TERF1: variants seen among roughly 807,000 people sequenced by gnomAD.
TERF1 encodes the protein telomeric repeat-binding factor 1.
In TERF1, 20 loss-of-function variants were observed where a neutral mutation model predicts 55.1. The ratio of observed to expected loss-of-function variants is 0.36; its 90% CI spans 0.26 to 0.53. The LOEUF (loss-of-function observed/expected upper bound fraction) is 0.53, where lower values mean the gene tolerates loss of function less well. Ranked by LOEUF, TERF1 falls within the 20% of genes least tolerant of loss-of-function variation. The pLI is 0.91. For missense variants in TERF1, 439 were observed against 535.7 expected, an observed-to-expected ratio of 0.82 and a Z score of 1.78; for synonymous variants, 168 against 181.2, an observed-to-expected ratio of 0.93 and a Z score of 0.59.
At position 73,039,234 on chromosome 8, in the gene TERF1, A is replaced by T. The variant is rs200882444; in HGVS notation, c.1143+15A>T. 7.4e-5 allele frequency: 115 copies of T among 1,543,870 alleles called. No homozygotes were observed. Among genetic ancestry groups the T allele is most frequent in the Non-Finnish European group, 1.0e-4 (113 of 1,132,014 alleles). ...GAAAAAGACAGGTATTTGGTTTTTT[A>T]AAATTCGAATAACGCTTATGGACAT... On this transcript the variant is annotated intron_variant, in intron 9 of 9. Coordinates refer to ENST00000276603, the MANE Select transcript of TERF1 (RefSeq NM_017489.3).
chr8:73,019,202 C>A (rs778878420), intron 2 of TERF1, among the ~76,000 whole-genome samples: 4 of 151,624 alleles, frequency 2.6e-5, no homozygotes, highest in Non-Finnish European at 5.9e-5. Context: ...TCCACATCCT[C>A]AGATGTGGTG....
rs766633252 is a variant in TERF1, at chr8:73,020,707, C to T, written c.439C>T (p.Arg147Ter). 76 of 1,599,108 alleles carry T rather than the reference C, an allele frequency of 4.8e-5. No individual in the cohort carries two copies. Among genetic ancestry groups the T allele is most frequent in the Non-Finnish European group, 6.2e-5 (73 of 1,174,368 alleles). Reference protein sequence around the residue: ...TLDAQFENDERITPLESALMI... With the variant: ...TLDAQFENDE The stretch of plus-strand genomic sequence containing the variant: ...AGATGCACAGTTTGAAAATGATGAA[C>T]GAATTACACCCTTGGAATCAGCCCT... The change falls in exon 3 of 10, where the codon CGA becomes TGA. Residue 147 changes from arginine (R) to a stop codon, truncating the protein, a stop_gained. Coordinates refer to ENST00000276603, the MANE Select transcript of TERF1 (RefSeq NM_017489.3). LOFTEE classifies it high-confidence loss of function.
At chr8:73,020,589 T>C in intron 2 of TERF1, 95 bp from the exon 3 acceptor site, 1 of 1,075,144 alleles carries the variant, frequency 9.3e-7, no homozygotes. Context: ...GCACATAGTA[T>C]ACACTCAGTA....
intron 9 of TERF1, among the ~76,000 whole-genome samples, chr8:73,041,806 A>C (rs534762330): frequency 4.6e-5 from 7 of 152,156 alleles, no homozygotes; most frequent in Admixed American, 3.3e-4. Context: ...CTGGAGATAA[A>C]ACTCACAAAA....
chr8:73,019,893 G>T (rs1277166719), intron 2 of TERF1, among the ~76,000 whole-genome samples: 1 of 152,122 alleles, frequency 6.6e-6, no homozygotes, highest in Non-Finnish European at 1.5e-5. Flanking sequence ...TTCATTTCCA[G>T]AACCTTTTTT....
intron 9 of TERF1, among the ~76,000 whole-genome samples, chr8:73,041,932 A>C (rs1563475358): frequency 2.6e-5 from 4 of 152,170 alleles, no homozygotes; most frequent in Admixed American, 6.6e-5. Flanking sequence ...TATTGGCTCC[A>C]GCTGTGAGCT....
intron 9 of TERF1, chr8:73,043,355 T>C (rs1007503682): frequency 2.0e-5 from 3 of 152,130 alleles, no homozygotes; most frequent in Admixed American, 6.5e-5. Context: ...TCTTTTTCAA[T>C]AGAAGAAAAA....
intron 2 of TERF1, among the ~76,000 whole-genome samples, chr8:73,019,619 C>T (rs1029708261): frequency 1.3e-5 from 2 of 152,166 alleles, no homozygotes; most frequent in African/African-American, 4.8e-5. Flanking sequence ...GAGCCTCAGA[C>T]TCCTGGCTCA....
At chr8:73,013,511 C>G (rs1377599421) in intron 1 of TERF1, among the ~76,000 whole-genome samples, 3 of 152,048 alleles carry the variant, frequency 2.0e-5, no homozygotes, top group Non-Finnish European at 4.4e-5. Context: ...ACTTTGTAAG[C>G]TAAACAGACT....
At chr8:73,033,031 A>AT (rs1039300425) in intron 8 of TERF1, among the ~76,000 whole-genome samples, 1 of 98,672 alleles carries the variant, frequency 1.0e-5, no homozygotes, top group African/African-American at 3.9e-5. Flanking sequence ...CCCCCCTGAG[A>AT]TTTTTAATAT....
intron 3 of TERF1, among the ~76,000 whole-genome samples, chr8:73,021,211 C>G (rs536237655): frequency 9.9e-5 from 15 of 152,106 alleles, no homozygotes; most frequent in Non-Finnish European, 1.5e-4. Context: ...AGCTAGCAGT[C>G]AAAGCAAATA....
At chr8:73,020,604 T>C in intron 2 of TERF1, 80 bp from the exon 3 acceptor site, 1 of 1,263,606 alleles carries the variant, frequency 7.9e-7, no homozygotes, top group Non-Finnish European at 1.1e-6. Flanking sequence ...TCAGTAAATA[T>C]TTAAAGGAAT....
chr8:73,040,830 A>G (rs1809805217), intron 9 of TERF1, among the ~76,000 whole-genome samples: 1 of 151,760 alleles, frequency 6.6e-6, no homozygotes, highest in African/African-American at 2.4e-5. Flanking sequence ...AGAACTTTCT[A>G]TTAATATATC....
intron 9 of TERF1, among the ~76,000 whole-genome samples, chr8:73,042,112 G>A (rs1809855637): frequency 6.6e-6 from 1 of 152,258 alleles, no homozygotes; most frequent in South Asian, 2.1e-4. Flanking sequence ...TCTGGGGACT[G>A]TAGTGATGAT....
Position 73,030,300 on chromosome 8 carries a change from T to C in TERF1, c.888-36T>C, listed in dbSNP as rs779877917. On this transcript the variant is annotated intron_variant, in intron 6 of 9. Transcript: ENST00000276603. ...TACTATCCTTATGAAAAGTTTCTTT[T>C]GTTTACATTCTTACAAATTTTTTCT... 7 of 1,412,520 alleles carry C rather than the reference T, an allele frequency of 5.0e-6. No homozygotes were observed. The South Asian group carries it at 8.3e-5, about 17-fold the overall frequency. The allele number at this position is 1,412,520 out of a possible 1,614,324, so 87.5% of individuals were successfully genotyped here.
In TERF1 at chr8:73,026,751, T is replaced by C. The variant is rs578126331; in HGVS notation, c.775-189T>C. ...TCGTAACGCTGATAAACCAAGCAGATAGCTAATGTAGCTGCTGGCAGTGTC... is the reference window on the plus strand; with the variant it reads ...TCGTAACGCTGATAAACCAAGCAGACAGCTAATGTAGCTGCTGGCAGTGTC... On this transcript the variant is annotated intron_variant, in intron 5 of 9. Transcript: ENST00000276603. 7.7e-4 allele frequency among the ~76,000 whole-genome samples: 117 copies of C among 152,186 alleles called. 1 individual carries two copies. The highest frequency in any genetic ancestry group is 2.8e-3 in the African/African-American group (116 of 41,538).
intron 8 of TERF1, chr8:73,038,763 G>T: frequency 1.0e-6 from 1 of 973,310 alleles, no homozygotes; most frequent in Non-Finnish European, 1.2e-6. Context: ...GTGAGGAAAG[G>T]ATTATGCTTC....
chr8:73,012,801 A>T (rs1808338514), intron 1 of TERF1: 1 of 415,778 alleles, frequency 2.4e-6, no homozygotes, highest in Admixed American at 2.6e-5. Context: ...CGTGGTACTC[A>T]TTAAAATTTT....
At chr8:73,022,348 A>G (rs1808800802) in intron 4 of TERF1, 46 bp downstream of exon 4, 1 of 1,226,100 alleles carries the variant, frequency 8.2e-7, no homozygotes, top group Non-Finnish European at 1.1e-6. Flanking sequence ...GTGTTTATGT[A>G]GAGTGAGGAA....
Sources: gnomAD v4.1 joint callset for allele counts (sites outside exome capture counted in the v4.1 genomes callset) on GRCh38, gnomAD v4.1.1 for gene constraint, MANE v1.5 for transcripts, NCBI Gene and HGNC (gene_info 2026-07-23, HGNC 2026-07-21) for gene names.